The following GALNT11 variants were observed in gnomAD, a reference collection of about 807,000 sequenced individuals.
GALNT11 encodes the protein polypeptide N-acetylgalactosaminyltransferase 11, also known as UDP-GalNAc:polypeptide N-acetylgalactosaminyltransferase 11.
In GALNT11, 47 loss-of-function variants were observed where a neutral mutation model predicts 72.7. That is an observed-to-expected ratio of 0.65 (90% CI 0.51 to 0.82). The LOEUF is 0.82. Ranked by LOEUF, GALNT11 falls within the 40% of genes least tolerant of loss-of-function variation. The probability of loss-of-function intolerance (pLI) is 0.00; values close to 1 mark genes in which losing one functional copy is unlikely to be tolerated. For synonymous variants in GALNT11, 270 were observed against 286.6 expected, an observed-to-expected ratio of 0.94 and a Z score of 0.58; for missense variants, 677 against 778.4, an observed-to-expected ratio of 0.87 and a Z score of 1.55.
At position 152,122,213 on chromosome 7, in the gene GALNT11, TTA is replaced by T. The variant is rs1010434194; in HGVS notation, c.*537_*538del. On this transcript the variant is annotated 3_prime_UTR_variant, in exon 12 of 12. Transcript: ENST00000430044. ...TTTAGTATGTTGTAAGTAGATCATT[TTA>T]AAAAACTGAATCTATATTATGTTTA... The T allele has an allele frequency of 1.3e-5, 2 of 152,336 alleles. No homozygotes were observed. The highest frequency in any genetic ancestry group is 2.4e-5 in the African/African-American group (1 of 41,582). The allele number at this position is 152,336 out of a possible 1,614,324, so 9.4% of individuals were successfully genotyped here.
intron 1 of GALNT11, among the ~76,000 whole-genome samples, chr7:152,062,681 G>T (rs1175298924): frequency 6.6e-6 from 1 of 152,180 alleles, no homozygotes; most frequent in Non-Finnish European, 1.5e-5. Context: ...ATGGAGGGCT[G>T]TTGAATTTTG....
chr7:152,118,720 C>T lies in GALNT11; in HGVS notation c.1495C>T (p.Arg499Cys), dbSNP rs780011762. 14 of 1,611,540 alleles carry T rather than the reference C, an allele frequency of 8.7e-6. No individual in the cohort carries two copies. The highest frequency in any genetic ancestry group is 3.4e-5 in the Admixed American group (2 of 59,462). Residue 499 changes from arginine to cysteine, a missense_variant, in exon 10 of 12, where the codon CGC becomes TGC. By Grantham distance (180) the Arg-to-Cys change is radical. Coordinates refer to ENST00000430044, the MANE Select transcript of GALNT11 (RefSeq NM_022087.4). ...CAACAAATGCCTGGTGGCCCAGGGC[C>T]GCCCAAGTCAGAAGGGAGGTCTCGT... ...QTNKCLVAQG[R>C]PSQKGGLVVL...
intron 1 of GALNT11, chr7:152,074,410 A>T (rs186904650): frequency 2.4e-4 from 36 of 152,200 alleles, no homozygotes; most frequent in African/African-American, 8.2e-4. Context: ...CCCAGTGAGT[A>T]TTCTTGGCAT....
rs367693840 is a variant in GALNT11, at chr7:152,034,774, C to T, written c.-39+8890C>T. On this transcript the variant is annotated intron_variant, in intron 1 of 11. Transcript: ENST00000430044. The stretch of plus-strand genomic sequence containing the variant: ...GCACTCACTGACGCAGCAGCAGAAA[C>T]ACTAGTTTTCCTCCTAGACCACAAG... 3.3e-5 allele frequency among the ~76,000 whole-genome samples: 5 copies of T among 152,164 alleles called. No homozygotes were observed. In the East Asian group the frequency reaches 7.7e-4, roughly 23 times the overall value.
At position 152,122,310 on chromosome 7, in the gene GALNT11, C is replaced by T. The variant is rs1168954364; in HGVS notation, c.*633C>T. 5.9e-5 allele frequency: 9 copies of T among 152,178 alleles called. No individual in the cohort carries two copies. The highest frequency in any genetic ancestry group is 5.9e-4 in the Admixed American group (9 of 15,280). 9.4% of individuals were successfully genotyped at this position (152,178 alleles called of 1,614,324 possible). On this transcript the variant is annotated 3_prime_UTR_variant, in exon 12 of 12. Coordinates refer to ENST00000430044, the MANE Select transcript of GALNT11 (RefSeq NM_022087.4). The stretch of plus-strand genomic sequence containing the variant: ...AAAATTATTTTGATGAATTATGATA[C>T]AATCTACATAATAAAGAATCCTTTT...
intron 1 of GALNT11, among the ~76,000 whole-genome samples, chr7:152,088,502 TGGTTGGTTTCAG>T (rs1290598754): frequency 6.6e-6 from 1 of 151,288 alleles, no homozygotes; most frequent in African/African-American, 2.4e-5. Flanking sequence ...TTTAAAAACA[TGGTTGGTTTCAG>T]GGTTTTTTTT....
chr7:152,068,345 G>A (rs61125377), intron 1 of GALNT11, among the ~76,000 whole-genome samples: 1,756 of 152,240 alleles, frequency 0.012, 35 homozygotes, highest in African/African-American at 0.041. Flanking sequence ...TCTTTGTGTA[G>A]TTTGATAGTT....
intron 1 of GALNT11, among the ~76,000 whole-genome samples, chr7:152,062,894 G>A (rs183241048): frequency 3.3e-5 from 5 of 152,162 alleles, no homozygotes; most frequent in Admixed American, 1.3e-4. Context: ...TTTTTGCATC[G>A]GTGTTCATCA....
intron 1 of GALNT11, among the ~76,000 whole-genome samples, chr7:152,030,260 C>T (rs1563036776): frequency 1.3e-5 from 2 of 152,238 alleles, no homozygotes; most frequent in South Asian, 2.1e-4. Flanking sequence ...CGCTAGATCA[C>T]GGGACGCTGG....
At chr7:152,028,211 A>G (rs1193529902) in intron 1 of GALNT11, among the ~76,000 whole-genome samples, 2 of 152,118 alleles carry the variant, frequency 1.3e-5, no homozygotes, top group Non-Finnish European at 2.9e-5. Flanking sequence ...TTATTCCCTT[A>G]TTTGGCCCCA....
intron 1 of GALNT11, among the ~76,000 whole-genome samples, chr7:152,040,323 C>T (rs2082794775): frequency 6.6e-6 from 1 of 152,000 alleles, no homozygotes; most frequent in Non-Finnish European, 1.5e-5. Flanking sequence ...ATCCATTTGC[C>T]AAAGAGAATT....
chr7:152,064,774 T>C (rs957000505), intron 1 of GALNT11, among the ~76,000 whole-genome samples: 1 of 152,212 alleles, frequency 6.6e-6, no homozygotes, highest in Non-Finnish European at 1.5e-5. Flanking sequence ...GAACGTTGAA[T>C]ATGGTCCCCA....
chr7:152,100,922 G>A lies in GALNT11; in HGVS notation c.419+1G>A, dbSNP rs1406485646. 7 of 1,613,054 alleles carry A rather than the reference G, an allele frequency of 4.3e-6. No individual in the cohort carries two copies. The highest frequency in any genetic ancestry group is 1.1e-5 in the South Asian group (1 of 90,974). ...ATGTGCCAGACACAAGGAATGCAGC[G>A]TATGTGCCTTATCGGATTTGCAAAT... On this transcript the variant is annotated splice_donor_variant, in intron 3 of 11. Transcript: ENST00000430044. LOFTEE classifies it high-confidence loss of function.
At chr7:152,072,545 T>C (rs2084718650) in intron 1 of GALNT11, among the ~76,000 whole-genome samples, 1 of 152,240 alleles carries the variant, frequency 6.6e-6, no homozygotes, top group African/African-American at 2.4e-5. Flanking sequence ...CACAGGCACA[T>C]AATACATTTT....
intron 4 of GALNT11, 186 bp downstream of exon 4, chr7:152,103,464 G>A (rs1309501195): frequency 3.8e-6 from 2 of 530,386 alleles, no homozygotes; most frequent in African/African-American, 1.9e-5. Context: ...TATAAACTAT[G>A]CTACCCAAAT....
At chr7:152,118,477 T>G in intron 9 of GALNT11, 1 of 502,836 alleles carries the variant, frequency 2.0e-6, no homozygotes, top group Non-Finnish European at 3.5e-6. Flanking sequence ...GCTAATAACT[T>G]TTGGAGTTAT....
At chr7:152,066,073 C>CCCA (rs1357662110) in intron 1 of GALNT11, among the ~76,000 whole-genome samples, 1 of 152,214 alleles carries the variant, frequency 6.6e-6, no homozygotes, top group Non-Finnish European at 1.5e-5. Flanking sequence ...CCTTGAGCTG[C>CCCA]GGTGGGCTCC....
intron 5 of GALNT11, among the ~76,000 whole-genome samples, chr7:152,106,557 C>G (rs1263874209): frequency 6.6e-6 from 1 of 152,164 alleles, no homozygotes; most frequent in Non-Finnish European, 1.5e-5. Flanking sequence ...TAAAAACTTA[C>G]TGAATTGGCT....
chr7:152,100,214 A>C (rs1446396050), intron 2 of GALNT11, among the ~76,000 whole-genome samples: 1 of 152,108 alleles, frequency 6.6e-6, no homozygotes, highest in African/African-American at 2.4e-5. Context: ...GAAAATTATA[A>C]AAATTTTTTT....
Sources: gnomAD v4.1 joint callset for allele counts (sites outside exome capture counted in the v4.1 genomes callset) on GRCh38, gnomAD v4.1.1 for gene constraint, MANE v1.5 for transcripts, NCBI Gene and HGNC (gene_info 2026-07-23, HGNC 2026-07-21) for gene names.